The following DSCAM variants were observed in gnomAD, a reference collection of about 807,000 sequenced individuals.
The protein encoded by DSCAM is cell adhesion molecule DSCAM.
In DSCAM, 47 loss-of-function variants were observed where a neutral mutation model predicts 217.7. The observed-to-expected ratio is 0.22, with a 90% CI of 0.17 to 0.28. The LOEUF (loss-of-function observed/expected upper bound fraction) is 0.28, where lower values mean the gene tolerates loss of function less well. DSCAM is among the 10% of genes least tolerant of loss of function. The pLI is 1.00. For missense variants in DSCAM, 2,080 were observed against 2,618.3 expected (o/e 0.79, Z 4.49); for synonymous variants, 1,056 against 1,015.3 (o/e 1.04, Z -0.76).
intron 3 of DSCAM, among the ~76,000 whole-genome samples, chr21:40,570,516 A>G (rs2076797980): frequency 6.6e-6 from 1 of 152,230 alleles, no homozygotes; most frequent in Non-Finnish European, 1.5e-5. Flanking sequence ...CACACAAAGA[A>G]ACAACAAAAC....
At chr21:40,739,954 ATTTTTTTTTT>A (rs56815777) in intron 1 of DSCAM, among the ~76,000 whole-genome samples, 2,184 of 59,106 alleles carry the variant, frequency 0.037, 21 homozygotes, top group Non-Finnish European at 0.052. Flanking sequence ...TGCAGGTGTA[ATTTTTTTTTT>A]TTTTTTTTTT....
At chr21:40,827,000 G>C (rs547734289) in intron 1 of DSCAM, among the ~76,000 whole-genome samples, 1 of 152,026 alleles carries the variant, frequency 6.6e-6, no homozygotes, top group Non-Finnish European at 1.5e-5. Flanking sequence ...GAAGGGAAAG[G>C]AAGCAGAGAG....
At chr21:40,419,854 A>T (rs2075406248) in intron 3 of DSCAM, among the ~76,000 whole-genome samples, 1 of 152,168 alleles carries the variant, frequency 6.6e-6, no homozygotes, top group South Asian at 2.1e-4. Context: ...AATTAAAATT[A>T]TATAAAATTA....
chr21:40,583,383 C>T (rs940227234), intron 3 of DSCAM, among the ~76,000 whole-genome samples: 3 of 152,064 alleles, frequency 2.0e-5, no homozygotes, highest in Non-Finnish European at 2.9e-5. Flanking sequence ...TATCAACTTT[C>T]GGAACTATAA....
chr21:40,211,685 A>G (rs567090351), intron 11 of DSCAM, among the ~76,000 whole-genome samples: 28 of 152,242 alleles, frequency 1.8e-4, no homozygotes, highest in African/African-American at 6.5e-4. Context: ...TCCTTGGTAC[A>G]GCCCATGATG....
intron 3 of DSCAM, among the ~76,000 whole-genome samples, chr21:40,449,644 A>G (rs1483796123): frequency 6.6e-6 from 1 of 152,236 alleles, no homozygotes; most frequent in African/African-American, 2.4e-5. Context: ...CTGCTGCATC[A>G]TATGACTTAT....
At chr21:40,523,193 T>C (rs6517596) in intron 3 of DSCAM, among the ~76,000 whole-genome samples, 9 of 151,536 alleles carry the variant, frequency 5.9e-5, no homozygotes, top group African/African-American at 1.9e-4. Flanking sequence ...GTAGAGGAGG[T>C]TGTGGTCCCT....
chr21:40,681,139 A>G (rs906619879), intron 3 of DSCAM, among the ~76,000 whole-genome samples: 2 of 152,254 alleles, frequency 1.3e-5, no homozygotes, highest in Non-Finnish European at 2.9e-5. Flanking sequence ...TCGTTTGTCC[A>G]TTAACAAATT....
At chr21:40,252,407 T>C (rs2073316828) in intron 11 of DSCAM, among the ~76,000 whole-genome samples, 1 of 152,174 alleles carries the variant, frequency 6.6e-6, no homozygotes, top group Admixed American at 6.5e-5. Context: ...AACAGCATTG[T>C]CTCACATGAA....
At chr21:40,358,057 C>A (rs1043729549) in intron 4 of DSCAM, among the ~76,000 whole-genome samples, 5 of 152,104 alleles carry the variant, frequency 3.3e-5, no homozygotes, top group African/African-American at 1.2e-4. Flanking sequence ...GATGTCACCC[C>A]TTTGGCAGGG....
rs754622613 is a variant in DSCAM at position 40,093,706 on chromosome 21, A to T, written c.3850+15T>A. 6 of 1,613,812 alleles carry T rather than the reference A, an allele frequency of 3.7e-6. No homozygotes were observed. Among genetic ancestry groups the T allele is most frequent in the Non-Finnish European group, 4.2e-6 (5 of 1,179,884 alleles). ...AGTTACAACAGGAAATGAGGTCCTT[A>T]TAGCCACTGCCTACCTTTTGCTAGT... On this transcript the variant is annotated intron_variant, in intron 21 of 32. Coordinates refer to ENST00000400454, the MANE Select transcript of DSCAM (RefSeq NM_001389.5).
At chr21:40,806,378 C>A (rs1352900580) in intron 1 of DSCAM, among the ~76,000 whole-genome samples, 1 of 152,146 alleles carries the variant, frequency 6.6e-6, no homozygotes, top group African/African-American at 2.4e-5. Context: ...GTGTGTTGAC[C>A]AATAAGCTCA....
chr21:40,126,338 G>GA (rs2090093538), intron 19 of DSCAM, among the ~76,000 whole-genome samples: 1 of 151,922 alleles, frequency 6.6e-6, no homozygotes, highest in Admixed American at 6.6e-5. Flanking sequence ...AAAAAGAAAA[G>GA]AAAGAAGAAA....
intron 1 of DSCAM, among the ~76,000 whole-genome samples, chr21:40,833,216 A>T (rs1249652331): frequency 6.6e-6 from 1 of 151,944 alleles, no homozygotes; most frequent in Non-Finnish European, 1.5e-5. Context: ...GCGTTTCTCC[A>T]CATCTAGTAT....
At chr21:40,108,377 A>G (rs887591926) in intron 20 of DSCAM, among the ~76,000 whole-genome samples, 1 of 152,200 alleles carries the variant, frequency 6.6e-6, no homozygotes, top group Non-Finnish European at 1.5e-5. Flanking sequence ...CTGAGAGCCA[A>G]ATCAGGAATA....
chr21:40,424,093 A>G (rs2075449846), intron 3 of DSCAM, among the ~76,000 whole-genome samples: 1 of 152,218 alleles, frequency 6.6e-6, no homozygotes, highest in Non-Finnish European at 1.5e-5. Context: ...AATTTTGCAA[A>G]CATCAATACC....
At chr21:40,412,955 T>C (rs2075336955) in intron 3 of DSCAM, among the ~76,000 whole-genome samples, 1 of 152,242 alleles carries the variant, frequency 6.6e-6, no homozygotes, top group African/African-American at 2.4e-5. Context: ...CAGCTGTGGC[T>C]GAAAGGGACC....
intron 8 of DSCAM, among the ~76,000 whole-genome samples, chr21:40,321,491 A>G (rs1235694408): frequency 6.6e-6 from 1 of 152,068 alleles, no homozygotes; most frequent in Admixed American, 6.5e-5. Flanking sequence ...AGCTGCTGAG[A>G]GTGTGCTGCT....
At chr21:40,230,789 AT>A (rs1331764767) in intron 11 of DSCAM, among the ~76,000 whole-genome samples, 2 of 151,952 alleles carry the variant, frequency 1.3e-5, no homozygotes, top group Admixed American at 6.6e-5. Context: ...TGGCAGTTTG[AT>A]TTTTTTGTGG....
Sources: gnomAD v4.1 joint callset for allele counts (sites outside exome capture counted in the v4.1 genomes callset) on GRCh38, gnomAD v4.1.1 for gene constraint, MANE v1.5 for transcripts, NCBI Gene and HGNC (gene_info 2026-07-23, HGNC 2026-07-21) for gene names.